The following GRID1 variants were observed in gnomAD, a reference collection of about 807,000 sequenced individuals.
GRID1 encodes glutamate ionotropic receptor delta type subunit 1.
A neutral mutation model predicts 98.0 loss-of-function variants in GRID1; 28 were observed. The ratio of observed to expected loss-of-function variants is 0.29; its 90% CI spans 0.21 to 0.39. The LOEUF (loss-of-function observed/expected upper bound fraction) is 0.39. Among genes scored for constraint, GRID1 ranks in the 10% least tolerant of loss-of-function variants. GRID1 has a pLI of 1.00. For synonymous variants in GRID1, 553 were observed against 538.5 expected (o/e 1.03, Z -0.37); for missense variants, 1,111 against 1,340.5 (o/e 0.83, Z 2.67).
At chr10:85,687,429 A>G (rs10887517) in intron 12 of GRID1, among the ~76,000 whole-genome samples, 41,629 of 151,972 alleles carry the variant, frequency 0.27, 5,973 homozygotes, top group Non-Finnish European at 0.3. Flanking sequence ...ATTTTTTAAA[A>G]TTTGAATTTG....
In GRID1 at chr10:85,724,395, CAG is replaced by C. The variant is rs995119051; in HGVS notation, c.1813_1814del (p.Leu605AlafsTer84). On this transcript the variant is annotated frameshift_variant, in exon 11 of 16. Transcript: ENST00000327946. LOFTEE classifies it high-confidence loss of function. ...CATAGACAATCCAGATGGCGCTGTG[CAG>C]AGTGGCAGAAGCTGACGGCCTGGGC... ...AQPRPSASAT[L>X]HSAIWIVYGA... is the part of the protein sequence containing the mutation. 6.2e-7 allele frequency: 1 copy of C among 1,613,956 alleles called. No individual in the cohort carries two copies. The highest frequency in any genetic ancestry group is 8.5e-7 in the Non-Finnish European group (1 of 1,180,000).
At chr10:86,009,187 G>C (rs939606482) in intron 4 of GRID1, among the ~76,000 whole-genome samples, 1 of 152,094 alleles carries the variant, frequency 6.6e-6, no homozygotes. Flanking sequence ...CATTTCCCTG[G>C]TCAGACAAAT....
intron 12 of GRID1, 113 bp from the exon 13 acceptor site, chr10:85,647,510 C>G (rs749406778): frequency 6.0e-5 from 47 of 781,128 alleles, no homozygotes; most frequent in Admixed American, 3.3e-4. Flanking sequence ...GGCCCACTAT[C>G]CACATTCTTC....
In GRID1 at chr10:85,613,555, C is replaced by T. The variant is rs2132514342; in HGVS notation, c.2453G>A (p.Ser818Asn). ...GAGGGATTTGCCGTCGGCCTGGGCG[C>T]TGGCATGGCTGGTGAGGTCACAGCG... ...MGRCDLTSHASAQADGKSLKL... is the reference protein window; with the variant it reads ...MGRCDLTSHANAQADGKSLKL... Residue 818 changes from serine (S) to asparagine (N), a missense_variant, in exon 15 of 16, where the codon AGC becomes AAC. By Grantham distance (46) the Ser-to-Asn change is conservative. Coordinates refer to ENST00000327946, the MANE Select transcript of GRID1 (RefSeq NM_017551.3). 1.2e-6 allele frequency: 2 copies of T among 1,614,202 alleles called. No individual in the cohort carries two copies. The highest frequency in any genetic ancestry group is 1.7e-6 in the Non-Finnish European group (2 of 1,180,042).
chr10:85,820,832 T>C (rs1842763450), intron 8 of GRID1, among the ~76,000 whole-genome samples: 1 of 152,160 alleles, frequency 6.6e-6, no homozygotes. Flanking sequence ...AAAAATCAAA[T>C]ATGCAGTGTG....
At chr10:85,983,722 A>G (rs547899820) in intron 4 of GRID1, among the ~76,000 whole-genome samples, 217 of 152,224 alleles carry the variant, frequency 1.4e-3, no homozygotes, top group African/African-American at 4.9e-3. Context: ...TGGCCAGGCC[A>G]AGAAAGCTCC....
intron 5 of GRID1, among the ~76,000 whole-genome samples, chr10:85,882,779 A>G (rs1016340535): frequency 6.6e-6 from 1 of 151,372 alleles, no homozygotes; most frequent in African/African-American, 2.4e-5. Flanking sequence ...TAATAATAAT[A>G]ATATTTTTTT....
intron 12 of GRID1, among the ~76,000 whole-genome samples, chr10:85,698,998 T>G (rs559847746): frequency 6.6e-6 from 1 of 152,300 alleles, no homozygotes; most frequent in Non-Finnish European, 1.5e-5. Context: ...GGTTGGTATT[T>G]TTTTCATAGT....
rs116912845 is a variant in GRID1, at chr10:86,168,484, G to A, written c.521-29460C>T. ...GAGCCCTGGGAAGCCCTTAGAAACC[G>A]GGATCCCATGACAATCTCCAGAACC... On this transcript the variant is annotated intron_variant, in intron 3 of 15. Coordinates refer to ENST00000327946, the MANE Select transcript of GRID1 (RefSeq NM_017551.3). Among the ~76,000 whole-genome samples, 207 of 152,236 alleles carry A rather than the reference G, an allele frequency of 1.4e-3. 1 individual carries two copies. Among genetic ancestry groups the A allele is most frequent in the Middle Eastern group, 3.4e-3 (1 of 294 alleles).
intron 8 of GRID1, among the ~76,000 whole-genome samples, chr10:85,802,837 A>AC: frequency 1.5e-5 from 2 of 129,714 alleles, no homozygotes; most frequent in Admixed American, 8.5e-5. Context: ...CAAGCAGAAT[A>AC]AACACACACA....
chr10:85,652,144 T>C (rs572037010), intron 12 of GRID1, among the ~76,000 whole-genome samples: 4 of 152,304 alleles, frequency 2.6e-5, no homozygotes, highest in African/African-American at 7.2e-5. Context: ...AGACCCACCA[T>C]GCATCCTTCA....
chr10:86,340,952 C>G (rs1848301928), intron 2 of GRID1, among the ~76,000 whole-genome samples: 1 of 152,144 alleles, frequency 6.6e-6, no homozygotes, highest in Non-Finnish European at 1.5e-5. Context: ...AGCCCCCAAC[C>G]CTGTCCCCCT....
At chr10:86,079,076 A>G (rs746072666) in intron 4 of GRID1, among the ~76,000 whole-genome samples, 20 of 152,232 alleles carry the variant, frequency 1.3e-4, no homozygotes, top group Non-Finnish European at 1.8e-4. Context: ...CGCACACAGC[A>G]TAAACAGACT....
At chr10:86,289,628 G>A (rs1472597437) in intron 2 of GRID1, among the ~76,000 whole-genome samples, 1 of 151,912 alleles carries the variant, frequency 6.6e-6, no homozygotes, top group Non-Finnish European at 1.5e-5. Context: ...TCCTGTAGGG[G>A]GCAGCCACTC....
intron 13 of GRID1, among the ~76,000 whole-genome samples, chr10:85,635,300 C>G (rs920557967): frequency 2.6e-5 from 4 of 152,104 alleles, no homozygotes; most frequent in Non-Finnish European, 5.9e-5. Flanking sequence ...CCAATCATCA[C>G]CAAACAGAAT....
At position 85,619,878 on chromosome 10, in the gene GRID1, G is replaced by T. The variant is rs750909015; in HGVS notation, c.2349C>A (p.Leu783=). 3 of 1,613,860 alleles carry T rather than the reference G, an allele frequency of 1.9e-6. No homozygotes were observed. Among genetic ancestry groups the T allele is most frequent in the Non-Finnish European group, 2.5e-6 (3 of 1,179,868 alleles). The change falls in exon 14 of 16, where the codon CTC becomes CTA. Residue 783 remains leucine (L), a synonymous_variant. Coordinates refer to ENST00000327946, the MANE Select transcript of GRID1 (RefSeq NM_017551.3). The part of the protein sequence containing the change: ...ALQHGSPYRD[L]FSQRILELQD... ...CTGCCCAAGCCTACCTCTGGGAGAA[G>T]AGGTCCCTGTAGGGGCTGCCATGCT...
chr10:85,895,718 C>G (rs1841284244), intron 5 of GRID1, among the ~76,000 whole-genome samples: 1 of 152,172 alleles, frequency 6.6e-6, no homozygotes, highest in African/African-American at 2.4e-5. Context: ...TCATATTAAA[C>G]TGAACCATTA....
chr10:86,161,108 G>A (rs1210924161), intron 3 of GRID1, among the ~76,000 whole-genome samples: 8 of 152,206 alleles, frequency 5.3e-5, no homozygotes, highest in African/African-American at 1.9e-4. Context: ...AGCAACAACA[G>A]ACAGGCTACA....
chr10:85,685,721 G>T (rs1297238003), intron 12 of GRID1, among the ~76,000 whole-genome samples: 1 of 152,116 alleles, frequency 6.6e-6, no homozygotes, highest in East Asian at 1.9e-4. Context: ...GAGAGAAATA[G>T]TAATTCTAGA....
Sources: gnomAD v4.1 joint callset for allele counts (sites outside exome capture counted in the v4.1 genomes callset) on GRCh38, gnomAD v4.1.1 for gene constraint, MANE v1.5 for transcripts, NCBI Gene and HGNC (gene_info 2026-07-23, HGNC 2026-07-21) for gene names.